The following DOCK2 variants were observed in gnomAD, a reference collection of about 807,000 sequenced individuals.
DOCK2 encodes dedicator of cytokinesis 2, also known as dedicator of cytokinesis protein 2.
A neutral mutation model predicts 248.9 loss-of-function variants in DOCK2; 87 were observed. The ratio of observed to expected loss-of-function variants is 0.35; its 90% CI spans 0.29 to 0.42. The LOEUF is 0.42. DOCK2 is among the 10% of genes least tolerant of loss of function. The pLI is 1.00. For missense variants in DOCK2, 1,747 were observed against 2,300.2 expected, an observed-to-expected ratio of 0.76 and a Z score of 4.92; for synonymous variants, 805 against 821.6, an observed-to-expected ratio of 0.98 and a Z score of 0.35.
chr5:169,722,829 G>T (rs896752625), intron 22 of DOCK2, among the ~76,000 whole-genome samples: 1 of 152,128 alleles, frequency 6.6e-6, no homozygotes, highest in South Asian at 2.1e-4. Context: ...CTTAAAATTT[G>T]ACTTACTACT....
rs1359715138 is a variant in DOCK2 at position 169,747,470 on chromosome 5, T to C, written c.2342T>C (p.Met781Thr). The C allele has an allele frequency of 6.2e-7, 1 of 1,613,692 alleles. No homozygotes were observed. Among genetic ancestry groups the C allele is most frequent in the African/African-American group, 1.3e-5 (1 of 74,932 alleles). The change falls in exon 23 of 52, where the codon ATG becomes ACG. Residue 781 changes from methionine (M) to threonine (T), a missense_variant. Around this residue, in one of 4 missense-constraint regions of DOCK2, gnomAD observed 858 missense variants for 1,183.5 expected, o/e 0.72. Transcript: ENST00000520908. The part of the protein sequence containing the change: ...RRLFESINNL[M>T]KSQYKTTILL... The stretch of plus-strand genomic sequence containing the variant: ...CTCTTTGAATCCATCAACAATCTGA[T>C]GAAAAGTCAATACAAAACTACCATC...
intron 8 of DOCK2, 49 bp downstream of exon 8, chr5:169,684,399 C>T (rs1414194619): frequency 1.3e-6 from 2 of 1,580,212 alleles, no homozygotes; most frequent in Non-Finnish European, 1.7e-6. Flanking sequence ...GGAAGCAGTG[C>T]ACAGAGCATC....
chr5:169,690,080 G>A (rs987408883), intron 9 of DOCK2, among the ~76,000 whole-genome samples: 11 of 145,992 alleles, frequency 7.5e-5, no homozygotes, highest in Non-Finnish European at 1.5e-4. Context: ...TTGAGATGGA[G>A]TCTCACTCTG....
chr5:169,765,479 G>A (rs1022633920), intron 25 of DOCK2, among the ~76,000 whole-genome samples: 8 of 152,242 alleles, frequency 5.3e-5, no homozygotes, highest in African/African-American at 1.9e-4. Flanking sequence ...GCACAGATAT[G>A]CCCGGAGAAA....
intron 26 of DOCK2, among the ~76,000 whole-genome samples, chr5:169,838,880 C>T (rs1187376874): frequency 1.3e-5 from 2 of 152,170 alleles, no homozygotes; most frequent in Non-Finnish European, 2.9e-5. Flanking sequence ...ATGCCAAAAG[C>T]CACTGAAAGT....
chr5:169,827,661 C>T (rs568386776), intron 26 of DOCK2, among the ~76,000 whole-genome samples: 4 of 152,188 alleles, frequency 2.6e-5, no homozygotes, highest in Non-Finnish European at 4.4e-5. Context: ...AACTATAGAT[C>T]GGAATTCGGA....
At chr5:169,825,657 A>G (rs1479230293) in intron 26 of DOCK2, among the ~76,000 whole-genome samples, 1 of 150,772 alleles carries the variant, frequency 6.6e-6, no homozygotes, top group African/African-American at 2.4e-5. Context: ...CATTAGGAGA[A>G]ATACCTAATG....
intron 21 of DOCK2, 90 bp downstream of exon 21, chr5:169,717,574 T>C (rs1265150925): frequency 6.8e-6 from 8 of 1,170,572 alleles, no homozygotes; most frequent in Non-Finnish European, 9.0e-6. Context: ...TAATTTTCTT[T>C]TGTGACTCAT....
intron 27 of DOCK2, among the ~76,000 whole-genome samples, chr5:169,960,550 T>C (rs1194065033): frequency 6.6e-6 from 1 of 152,006 alleles, no homozygotes; most frequent in Non-Finnish European, 1.5e-5. Context: ...CTAAGATAGG[T>C]TTTCAAGGTG....
At chr5:169,651,536 G>A (rs941639111) in intron 1 of DOCK2, among the ~76,000 whole-genome samples, 1 of 152,138 alleles carries the variant, frequency 6.6e-6, no homozygotes, top group Admixed American at 6.5e-5. Context: ...TGATTTGCTC[G>A]TGCTCCAGAG....
chr5:170,069,538 C>T (rs74711096), intron 46 of DOCK2, among the ~76,000 whole-genome samples: 3,356 of 152,290 alleles, frequency 0.022, 51 homozygotes, highest in Non-Finnish European at 0.035. Context: ...ACCAGGCCCC[C>T]ACACTCCAAA....
chr5:169,695,978 G>A (rs758723530), intron 10 of DOCK2, 40 bp downstream of exon 10: 19 of 1,541,774 alleles, frequency 1.2e-5, no homozygotes, highest in Middle Eastern at 1.8e-4. Context: ...TTATGGGAGC[G>A]CACATTTTAT....
At chr5:169,968,274 G>A (rs1385097872) in intron 27 of DOCK2, among the ~76,000 whole-genome samples, 1 of 152,202 alleles carries the variant, frequency 6.6e-6, no homozygotes, top group Non-Finnish European at 1.5e-5. Context: ...TGGGATAGCT[G>A]AGAAGACCTT....
intron 22 of DOCK2, among the ~76,000 whole-genome samples, chr5:169,739,058 G>A (rs984710486): frequency 6.6e-6 from 1 of 152,142 alleles, no homozygotes; most frequent in Admixed American, 6.5e-5. Context: ...GGCACCATTA[G>A]CAAGGAAAAT....
chr5:169,738,782 G>A (rs1228289398), intron 22 of DOCK2, among the ~76,000 whole-genome samples: 1 of 152,176 alleles, frequency 6.6e-6, no homozygotes, highest in Admixed American at 6.5e-5. Context: ...ACCTAAAGAT[G>A]AGGACACAAG....
At chr5:169,992,815 T>C (rs1414800532) in intron 29 of DOCK2, among the ~76,000 whole-genome samples, 1 of 152,138 alleles carries the variant, frequency 6.6e-6, no homozygotes, top group Non-Finnish European at 1.5e-5. Context: ...AATGCCTTAC[T>C]TTTCCAAACC....
intron 34 of DOCK2, among the ~76,000 whole-genome samples, chr5:170,032,171 C>T (rs1345222893): frequency 1.3e-5 from 2 of 152,056 alleles, no homozygotes; most frequent in African/African-American, 4.8e-5. Flanking sequence ...GGACTACAGG[C>T]GCCCACTACC....
intron 29 of DOCK2, among the ~76,000 whole-genome samples, chr5:169,991,241 C>G (rs112562897): frequency 1.4e-4 from 21 of 152,318 alleles, no homozygotes; most frequent in African/African-American, 5.1e-4. Context: ...TCGGCTGCCT[C>G]CTGACACCAG....
intron 5 of DOCK2, among the ~76,000 whole-genome samples, chr5:169,672,753 T>C (rs1255274103): frequency 6.6e-6 from 1 of 152,202 alleles, no homozygotes; most frequent in Non-Finnish European, 1.5e-5. Context: ...TGGCTATAAA[T>C]TCAGGGATTC....
Sources: allele counts gnomAD v4.1 joint callset (sites outside exome capture counted in the v4.1 genomes callset), GRCh38; gene constraint gnomAD v4.1.1; regional missense constraint gnomAD v4.1.1; transcripts MANE v1.5; gene names NCBI Gene and HGNC (gene_info 2026-07-23, HGNC 2026-07-21).